The following ZNRF2 variants were observed in gnomAD, a reference collection of about 807,000 sequenced individuals.
ZNRF2 encodes E3 ubiquitin-protein ligase ZNRF2.
A neutral mutation model predicts 20.4 loss-of-function variants in ZNRF2; 16 were observed. The observed-to-expected ratio is 0.79, with a 90% CI of 0.53 to 1.19. ZNRF2 has a LOEUF of 1.19. Ranked by LOEUF, ZNRF2 falls within the 50% of genes most tolerant of loss-of-function variation. ZNRF2 has a pLI of 0.00. For synonymous variants in ZNRF2, 178 were observed against 144.9 expected, an observed-to-expected ratio of 1.23 and a Z score of -1.64; for missense variants, 363 against 332.4, an observed-to-expected ratio of 1.09 and a Z score of -0.72.
intron 2 of ZNRF2, among the ~76,000 whole-genome samples, chr7:30,350,812 T>C (rs1254180549): frequency 6.6e-6 from 1 of 151,974 alleles, no homozygotes; most frequent in East Asian, 1.9e-4. Flanking sequence ...TCATTGAGGG[T>C]TCAAGAACAA....
intron 1 of ZNRF2, among the ~76,000 whole-genome samples, chr7:30,304,519 C>A (rs761194762): frequency 7.2e-5 from 11 of 152,102 alleles, no homozygotes; most frequent in Admixed American, 7.2e-4. Context: ...CTTAAAAATG[C>A]TTGTGAGGCA....
intron 3 of ZNRF2, among the ~76,000 whole-genome samples, chr7:30,356,941 A>G (rs1408207131): frequency 1.3e-5 from 2 of 152,096 alleles, no homozygotes; most frequent in Non-Finnish European, 2.9e-5. Flanking sequence ...TCCTGACCGC[A>G]TGATGTGCCC....
intron 2 of ZNRF2, among the ~76,000 whole-genome samples, chr7:30,347,602 A>C (rs912290365): frequency 6.6e-6 from 1 of 152,100 alleles, no homozygotes; most frequent in Admixed American, 6.5e-5. Context: ...AGTCTCATCT[A>C]CTCTGGAGGC....
intron 1 of ZNRF2, among the ~76,000 whole-genome samples, chr7:30,309,580 TC>T (rs1270535219): frequency 1.3e-5 from 2 of 152,206 alleles, no homozygotes; most frequent in African/African-American, 2.4e-5. Context: ...CGTCTAAACT[TC>T]CAATAGAATT....
Position 30,285,400 on chromosome 7 carries a change from A to G in ZNRF2, c.43A>G (p.Thr15Ala). The G allele has an allele frequency of 1.6e-6, 2 of 1,257,088 alleles. No homozygotes were observed. Among genetic ancestry groups the G allele is most frequent in the East Asian group, 5.1e-5 (1 of 19,626 alleles). The allele number at this position is 1,257,088 out of a possible 1,614,324, so 77.9% of individuals were successfully genotyped here. A position where few individuals can be genotyped will look rare whatever the true frequency, so the allele number is the denominator to read the frequency against. The change falls in exon 1 of 5, where the codon ACG (threonine) becomes GCG (alanine). Residue 15 changes from threonine to alanine, a missense_variant. Physicochemically the swap from Thr to Ala is moderately conservative, Grantham distance 58. Coordinates refer to ENST00000323037, the MANE Select transcript of ZNRF2 (RefSeq NM_147128.4). ...CGGCCCGGCCGCCGCTAACGGCCGCACGCGCGCGTACTCGGGCTCGGATCT... is the reference window on the plus strand; with the variant it reads ...CGGCCCGGCCGCCGCTAACGGCCGCGCGCGCGCGTACTCGGGCTCGGATCT... ...QSGPAAANGR[T>A]RAYSGSDLPS... is the part of the protein sequence containing the mutation.
intron 1 of ZNRF2, among the ~76,000 whole-genome samples, chr7:30,302,802 C>G (rs1421249835): frequency 3.3e-5 from 5 of 152,106 alleles, no homozygotes; most frequent in Non-Finnish European, 7.3e-5. Context: ...TTTCAGAGCT[C>G]AAATTCATAC....
At chr7:30,310,056 C>T (rs1799268713) in intron 1 of ZNRF2, among the ~76,000 whole-genome samples, 1 of 152,066 alleles carries the variant, frequency 6.6e-6, no homozygotes, top group Non-Finnish European at 1.5e-5. Context: ...GAGGTTACTG[C>T]CATAGTCCAG....
At chr7:30,307,195 A>G (rs1181132402) in intron 1 of ZNRF2, among the ~76,000 whole-genome samples, 2 of 151,632 alleles carry the variant, frequency 1.3e-5, no homozygotes, top group Non-Finnish European at 2.9e-5. Flanking sequence ...TAGACTGATA[A>G]AACTTTAGTT....
intron 1 of ZNRF2, among the ~76,000 whole-genome samples, chr7:30,294,064 G>A (rs1294985523): frequency 1.3e-5 from 2 of 151,844 alleles, no homozygotes; most frequent in Non-Finnish European, 2.9e-5. Flanking sequence ...TATTGCCCAG[G>A]CAGGATTATG....
rs1477549514 is a variant in ZNRF2 at position 30,315,810 on chromosome 7, A to G, written c.470-7832A>G. ...AAGACATTTAATGAGTCATTACAGC[A>G]TACTGATATCTAACATAAAAAACTG... On this transcript the variant is annotated intron_variant, in intron 1 of 4. Transcript: ENST00000323037. 4.6e-5 allele frequency among the ~76,000 whole-genome samples: 7 copies of G among 151,374 alleles called. No homozygotes were observed. The South Asian group carries it at 1.5e-3, about 32-fold the overall frequency.
intron 2 of ZNRF2, among the ~76,000 whole-genome samples, chr7:30,354,151 G>A (rs1335064910): frequency 1.3e-4 from 20 of 151,676 alleles, no homozygotes; most frequent in Admixed American, 1.2e-3. Context: ...GGATCTCTAG[G>A]GCCAAGAGAA....
chr7:30,297,752 T>G (rs1378639864), intron 1 of ZNRF2, among the ~76,000 whole-genome samples: 2 of 152,158 alleles, frequency 1.3e-5, no homozygotes, highest in African/African-American at 4.8e-5. Context: ...TTTTTGCCAT[T>G]TTTTTCTTTG....
At chr7:30,356,699 ATTTTTT>A (rs139265962) in intron 3 of ZNRF2, among the ~76,000 whole-genome samples, 2 of 73,230 alleles carry the variant, frequency 2.7e-5, no homozygotes, top group South Asian at 5.5e-4. Flanking sequence ...ATAACATTGT[ATTTTTT>A]TTTTTTTTTT....
chr7:30,322,076 A>G (rs1799479409), intron 1 of ZNRF2, among the ~76,000 whole-genome samples: 1 of 151,582 alleles, frequency 6.6e-6, no homozygotes, highest in Non-Finnish European at 1.5e-5. Context: ...GTGTTGGGCC[A>G]CATTAGGCCA....
chr7:30,355,608 G>T, intron 2 of ZNRF2, 120 bp from the exon 3 acceptor site: 2 of 666,614 alleles, frequency 3.0e-6, no homozygotes, highest in Non-Finnish European at 5.1e-6. Context: ...ATGTATTTCT[G>T]GCGAAAAGAT....
Position 30,295,050 on chromosome 7 carries a change from AGTGTGTGTGTGTGTGTGTGT to A in ZNRF2, c.469+9256_469+9275del, listed in dbSNP as rs71536219. 1.6e-4 allele frequency among the ~76,000 whole-genome samples: 6 copies of A among 38,280 alleles called. No individual in the cohort carries two copies. The South Asian group carries it at 3.4e-3, about 22-fold the overall frequency. The allele number at this position is 38,280 out of a possible 152,430, so 25.1% of individuals were successfully genotyped here. On this transcript the variant is annotated intron_variant, in intron 1 of 4. Transcript: ENST00000323037. ...GAGAGAGAGAGAGAGAGAGAGAGAG[AGTGTGTGTGTGTGTGTGTGT>A]GTGTGTGTGTGTGTGTGTGTGTGTG...
At chr7:30,362,213 TATA>T (rs1198002542) in intron 3 of ZNRF2, among the ~76,000 whole-genome samples, 161 bp from the exon 4 acceptor site, 4 of 152,218 alleles carry the variant, frequency 2.6e-5, no homozygotes, top group East Asian at 1.9e-4. Flanking sequence ...AGAATCAAAA[TATA>T]ATAAACATTC....
intron 1 of ZNRF2, among the ~76,000 whole-genome samples, chr7:30,301,700 TAAAAAAAAA>T (rs61418583): frequency 8.6e-6 from 1 of 115,700 alleles, no homozygotes; most frequent in African/African-American, 3.1e-5. Context: ...AGGCTTTTTT[TAAAAAAAAA>T]AAAAAAAAAA....
intron 2 of ZNRF2, among the ~76,000 whole-genome samples, chr7:30,343,911 C>CTT (rs34643391): frequency 0.015 from 1,206 of 81,466 alleles, 54 homozygotes; most frequent in African/African-American, 0.039. Flanking sequence ...GGGTGGCCAG[C>CTT]TTTTTTTTTT....
Sources: gnomAD v4.1 joint callset for allele counts (sites outside exome capture counted in the v4.1 genomes callset) on GRCh38, gnomAD v4.1.1 for gene constraint, MANE v1.5 for transcripts, NCBI Gene and HGNC (gene_info 2026-07-23, HGNC 2026-07-21) for gene names.